The following LY96 variants were observed in gnomAD, a reference collection of about 807,000 sequenced individuals.
The protein encoded by LY96 is lymphocyte antigen 96.
Under a neutral mutation model 18.9 loss-of-function variants are expected in LY96, and 18 were observed. The observed-to-expected ratio is 0.95, with a 90% CI of 0.66 to 1.41. The LOEUF (loss-of-function observed/expected upper bound fraction) is 1.41, where lower values mean the gene tolerates loss of function less well. Among genes scored for constraint, LY96 ranks in the 40% most tolerant of loss-of-function variants. LY96 has a pLI of 0.00. For missense variants in LY96, 175 were observed against 182.4 expected (o/e 0.96, Z 0.23); for synonymous variants, 66 against 62.6 (o/e 1.06, Z -0.26).
the LY96 span, among the ~76,000 whole-genome samples, chr8:74,037,568 GC>G: frequency 6.6e-6 from 1 of 152,152 alleles, no homozygotes; most frequent in Non-Finnish European, 1.5e-5. Context: ...GAAGTTTGAA[GC>G]TTCAGTGAAG....
the LY96 span, among the ~76,000 whole-genome samples, chr8:74,066,351 T>C: frequency 1.3e-5 from 2 of 152,104 alleles, no homozygotes; most frequent in Middle Eastern, 6.8e-3. Context: ...TCACTGAAGA[T>C]TAAGTTTCAA....
At position 74,001,937 on chromosome 8, in the gene LY96, A is replaced by ACCTTCCTTCCTTCCTT. The variant is rs568575292; in HGVS notation, c.113-2832_113-2817dup. Among the ~76,000 whole-genome samples, 146 of 63,494 alleles carry ACCTTCCTTCCTTCCTT rather than the reference A, an allele frequency of 2.3e-3. 9 individuals are homozygous for ACCTTCCTTCCTTCCTT. The highest frequency in any genetic ancestry group is 3.5e-3 in the Admixed American group (20 of 5,648). 41.7% of individuals were successfully genotyped at this position (63,494 alleles called of 152,430 possible). Reference sequence around the variant, plus strand: ...CCTAGATTTGGGAAGTTTTCAACCAACCTTCCTTCCTTCCTTCCTTCCTTC... The same window carrying ACCTTCCTTCCTTCCTT: ...CCTAGATTTGGGAAGTTTTCAACCAACCTTCCTTCCTTCCTTCCTTCCTTCCTTCCTTCCTTCCTTC... On this transcript the variant is annotated intron_variant, in intron 1 of 4. Coordinates refer to ENST00000284818, the MANE Select transcript of LY96 (RefSeq NM_015364.5).
the LY96 span, among the ~76,000 whole-genome samples, chr8:74,088,746 T>C: frequency 6.6e-6 from 1 of 152,042 alleles, no homozygotes; most frequent in Admixed American, 6.5e-5. Context: ...CCACTACACC[T>C]GGTTAATTTT....
chr8:74,098,770 A>G, the LY96 span, among the ~76,000 whole-genome samples: 5 of 152,238 alleles, frequency 3.3e-5, no homozygotes, highest in Non-Finnish European at 7.3e-5. Context: ...TTTAGAATAA[A>G]AAACAATGAC....
At chr8:74,078,837 C>T in the LY96 span, among the ~76,000 whole-genome samples, 2 of 152,164 alleles carry the variant, frequency 1.3e-5, no homozygotes, top group African/African-American at 4.8e-5. Flanking sequence ...CAATACTATT[C>T]TGAATTTTAA....
chr8:74,078,701 C>T, the LY96 span, among the ~76,000 whole-genome samples: 3 of 152,168 alleles, frequency 2.0e-5, no homozygotes, highest in Admixed American at 6.5e-5. Flanking sequence ...CTGGTCCTCC[C>T]ATGGCTGCTG....
At chr8:74,097,444 G>A in the LY96 span, among the ~76,000 whole-genome samples, 2 of 152,150 alleles carry the variant, frequency 1.3e-5, no homozygotes, top group Non-Finnish European at 2.9e-5. Context: ...AGGCACATTG[G>A]CTCATGGCTG....
chr8:74,041,528 T>C, the LY96 span, among the ~76,000 whole-genome samples: 2 of 152,170 alleles, frequency 1.3e-5, no homozygotes, highest in East Asian at 3.8e-4. Context: ...AGGGAAGATA[T>C]CACTAAATTA....
At chr8:74,031,412 G>T (rs995024961), downstream of LY96, among the ~76,000 whole-genome samples, 2 of 152,168 alleles carry the variant, frequency 1.3e-5, no homozygotes, top group Non-Finnish European at 2.9e-5. Context: ...CGCATCACAA[G>T]GTTAGGAGTT....
At chr8:74,053,040 C>T in the LY96 span, among the ~76,000 whole-genome samples, 2 of 152,148 alleles carry the variant, frequency 1.3e-5, no homozygotes, top group Admixed American at 1.3e-4. Context: ...TGCCAAGCAA[C>T]CCTTGCACAT....
chr8:74,061,119 T>C, the LY96 span, among the ~76,000 whole-genome samples: 1 of 152,364 alleles, frequency 6.6e-6, no homozygotes, highest in African/African-American at 2.4e-5. Context: ...CTCCCTTCTC[T>C]AGGCTCCTGT....
intron 1 of LY96, among the ~76,000 whole-genome samples, chr8:73,992,649 T>C (rs894815457): frequency 1.3e-5 from 2 of 152,126 alleles, no homozygotes; most frequent in African/African-American, 4.8e-5. Context: ...CTTAGGAGTG[T>C]GGCCAGTCAC....
chr8:73,997,119 C>T (rs1035903905), intron 1 of LY96, among the ~76,000 whole-genome samples: 27 of 152,240 alleles, frequency 1.8e-4, no homozygotes, highest in African/African-American at 6.3e-4. Flanking sequence ...GGCCTCCCAA[C>T]GTGTCGGGAT....
the LY96 span, among the ~76,000 whole-genome samples, chr8:74,065,275 A>G: frequency 7.7e-4 from 117 of 152,356 alleles, no homozygotes; most frequent in African/African-American, 2.6e-3. Context: ...TACTGCAGGC[A>G]GACATTCTCA....
At chr8:74,009,142 A>T (rs1284139790) in intron 2 of LY96, among the ~76,000 whole-genome samples, 1 of 151,946 alleles carries the variant, frequency 6.6e-6, no homozygotes, top group African/African-American at 2.4e-5. Context: ...CATGCCTGTA[A>T]TCCCAGTACT....
the LY96 span, among the ~76,000 whole-genome samples, chr8:74,079,207 C>G: frequency 2.0e-5 from 3 of 152,176 alleles, no homozygotes; most frequent in Non-Finnish European, 4.4e-5. Flanking sequence ...CCTTGGGCAA[C>G]AGCACTCCTG....
At chr8:74,016,314 C>T (rs942980974) in intron 3 of LY96, among the ~76,000 whole-genome samples, 5 of 152,224 alleles carry the variant, frequency 3.3e-5, no homozygotes, top group Non-Finnish European at 7.3e-5. Flanking sequence ...TCGGGAGGGG[C>T]GTCCGCCATT....
At chr8:74,061,205 G>A in the LY96 span, among the ~76,000 whole-genome samples, 1 of 152,152 alleles carries the variant, frequency 6.6e-6, no homozygotes, top group Non-Finnish European at 1.5e-5. Context: ...AACCTCCAAT[G>A]TGATGGTTTT....
At chr8:74,073,149 C>G in the LY96 span, among the ~76,000 whole-genome samples, 2 of 152,198 alleles carry the variant, frequency 1.3e-5, no homozygotes, top group South Asian at 4.1e-4. Context: ...CTTGTTGCCT[C>G]TGACCTTGAT....
Sources: gnomAD v4.1 joint callset for allele counts (sites outside exome capture counted in the v4.1 genomes callset) on GRCh38, gnomAD v4.1.1 for gene constraint, MANE v1.5 for transcripts, NCBI Gene and HGNC (gene_info 2026-07-23, HGNC 2026-07-21) for gene names.